The following TSPEAR variants were observed in gnomAD, a reference collection of about 807,000 sequenced individuals.
TSPEAR encodes the protein thrombospondin type laminin G domain and EAR repeats.
In TSPEAR, 69 loss-of-function variants were observed where a neutral mutation model predicts 71.6. The observed-to-expected ratio is 0.96, with a 90% CI of 0.79 to 1.18. The LOEUF is 1.18. TSPEAR is among the 50% of genes most tolerant of loss of function. The probability of loss-of-function intolerance (pLI) is 0.00; values close to 1 mark genes in which losing one functional copy is unlikely to be tolerated. For missense variants in TSPEAR, 971 were observed against 894.9 expected (o/e 1.09, Z -1.09); for synonymous variants, 402 against 387.2 (o/e 1.04, Z -0.45).
In TSPEAR at chr21:44,592,433, G is replaced by A. The variant is rs1555927013; in HGVS notation, c.83-24428C>T. On this transcript the variant is annotated intron_variant, in intron 1 of 11. Transcript: ENST00000323084. ...TCACAGGAACCAGGAAGGCAGACGC[G>A]GCTGCCGTAGCTCAGGTCGCTGGAG... is the stretch of plus-strand genomic sequence containing the variant. 10 of 1,610,208 alleles carry A rather than the reference G, an allele frequency of 6.2e-6. No individual in the cohort carries two copies. In the East Asian group the frequency reaches 1.1e-4, roughly 18 times the overall value.
intron 1 of TSPEAR, among the ~76,000 whole-genome samples, chr21:44,668,300 A>G (rs1303564420): frequency 6.6e-6 from 1 of 152,254 alleles, no homozygotes; most frequent in African/African-American, 2.4e-5. Context: ...AATTCCATTT[A>G]CAATACATTA....
chr21:44,512,269 G>A (rs1249755370), intron 9 of TSPEAR, among the ~76,000 whole-genome samples: 1 of 144,900 alleles, frequency 6.9e-6, no homozygotes, highest in African/African-American at 2.5e-5. Flanking sequence ...GAGGTCAGAT[G>A]TATGTGGACG....
At chr21:44,652,571 C>A (rs1429106550) in intron 1 of TSPEAR, among the ~76,000 whole-genome samples, 1 of 152,064 alleles carries the variant, frequency 6.6e-6, no homozygotes, top group Non-Finnish European at 1.5e-5. Context: ...TTATGTCTTA[C>A]GAAGGGGGAA....
At chr21:44,528,011 G>A (rs2052891521) in intron 6 of TSPEAR, among the ~76,000 whole-genome samples, 1 of 152,156 alleles carries the variant, frequency 6.6e-6, no homozygotes, top group Non-Finnish European at 1.5e-5. Context: ...CAGGGAGGGT[G>A]TGGGCAGAGG....
chr21:44,639,848 C>G (rs1983923504), intron 1 of TSPEAR, among the ~76,000 whole-genome samples: 1 of 151,660 alleles, frequency 6.6e-6, no homozygotes. Context: ...AGGACCCAGC[C>G]TGTCTGGCCG....
intron 1 of TSPEAR, among the ~76,000 whole-genome samples, chr21:44,704,371 C>T (rs1199861655): frequency 6.6e-6 from 1 of 152,170 alleles, no homozygotes; most frequent in Non-Finnish European, 1.5e-5. Context: ...ACTTTACCCC[C>T]TCTGTGACAT....
chr21:44,707,329 C>G (rs1987982055), intron 1 of TSPEAR, among the ~76,000 whole-genome samples: 1 of 148,854 alleles, frequency 6.7e-6, no homozygotes, highest in African/African-American at 2.5e-5. Flanking sequence ...AGAGAGGACA[C>G]AGGGTCGGAA....
Position 44,586,796 on chromosome 21 carries a change from A to T in TSPEAR, c.83-18791T>A, listed in dbSNP as rs377658984. ...ATAAACAGAATTAAAAACAAAAATC[A>T]CATGATCAATAGATGCAGAAAAAGC... On this transcript the variant is annotated intron_variant, in intron 1 of 11. Transcript: ENST00000323084. Among the ~76,000 whole-genome samples the T allele has an allele frequency of 5.8e-4, 89 of 152,342 alleles. 1 individual carries two copies. The highest frequency in any genetic ancestry group is 3.4e-3 in the Middle Eastern group (1 of 294).
intron 1 of TSPEAR, among the ~76,000 whole-genome samples, chr21:44,688,965 C>T (rs1381874574): frequency 6.6e-6 from 1 of 152,114 alleles, no homozygotes; most frequent in Admixed American, 6.5e-5. Flanking sequence ...CGCTTTTACT[C>T]CAAAGTGAGG....
chr21:44,613,857 C>T (rs1190321273), intron 1 of TSPEAR, among the ~76,000 whole-genome samples: 3 of 152,054 alleles, frequency 2.0e-5, no homozygotes, highest in African/African-American at 7.2e-5. Flanking sequence ...TTTAGGTGCG[C>T]GACTTATGAT....
chr21:44,568,899 C>T (rs920875759), intron 1 of TSPEAR, among the ~76,000 whole-genome samples: 5 of 152,164 alleles, frequency 3.3e-5, no homozygotes, highest in African/African-American at 7.2e-5. Context: ...ACTCTGGCAC[C>T]CTCTAGGGTT....
rs139387695 is a variant in TSPEAR, at chr21:44,612,751, C to T, written c.83-44746G>A. 2.7e-4 allele frequency: 428 copies of T among 1,613,856 alleles called. 2 individuals are homozygous for T. The highest frequency in any genetic ancestry group is 2.1e-3 in the Admixed American group (124 of 60,022). ...TGTCCCTCCTCTGCCGCCCTGTGTG[C>T]CGGCCTGCCTGCTGTGTGCCTGTCC... is the stretch of plus-strand genomic sequence containing the variant. On this transcript the variant is annotated intron_variant, in intron 1 of 11. Coordinates refer to ENST00000323084, the MANE Select transcript of TSPEAR (RefSeq NM_144991.3). This position sits in a 1 kb window ranked among gnomAD's most constrained non-coding sequence, Gnocchi z 4.1.
At chr21:44,688,050 T>C (rs920577960) in intron 1 of TSPEAR, among the ~76,000 whole-genome samples, 1 of 152,174 alleles carries the variant, frequency 6.6e-6, no homozygotes, top group Non-Finnish European at 1.5e-5. Context: ...CTTTTCTGTA[T>C]GTTTCCGTTT....
chr21:44,533,746 C>G lies in TSPEAR; in HGVS notation c.481G>C (p.Val161Leu). 6.2e-7 allele frequency: 1 copy of G among 1,612,410 alleles called. No individual in the cohort carries two copies. ...ALVDGRWHTL[V>L]LAVSAGVFSL... is the part of the protein sequence containing the mutation. ...AAGACGCCTGCGGACACAGCCAGGA[C>G]CAGTGTGTGCCAGCGGCCATCCACC... is the stretch of plus-strand genomic sequence containing the variant. Residue 161 changes from valine (V) to leucine (L), a missense_variant, in exon 3 of 12, where the codon GTC becomes CTC. Transcript: ENST00000323084.
intron 1 of TSPEAR, among the ~76,000 whole-genome samples, chr21:44,647,931 A>G (rs587726042): frequency 6.6e-6 from 1 of 152,314 alleles, no homozygotes; most frequent in Admixed American, 6.5e-5. Context: ...CCACCCGCCC[A>G]TGCCTGTCCC....
intron 1 of TSPEAR, chr21:44,681,699 A>C (rs1555947982): frequency 8.2e-7 from 1 of 1,217,244 alleles, no homozygotes; most frequent in Admixed American, 2.4e-5. Flanking sequence ...TATATTCTCG[A>C]TCCAGAATTC....
intron 1 of TSPEAR, among the ~76,000 whole-genome samples, chr21:44,581,201 C>G (rs921786358): frequency 6.6e-6 from 1 of 152,120 alleles, no homozygotes; most frequent in African/African-American, 2.4e-5. Flanking sequence ...ACCCTCAGAG[C>G]CCTCTCTCTG....
intron 9 of TSPEAR, among the ~76,000 whole-genome samples, chr21:44,521,497 C>G (rs2052732235): frequency 6.6e-6 from 1 of 152,222 alleles, no homozygotes; most frequent in South Asian, 2.1e-4. Flanking sequence ...GCCCCAGGGC[C>G]AGGGCCCTGA....
At chr21:44,605,822 G>A (rs78776607) in intron 1 of TSPEAR, among the ~76,000 whole-genome samples, 14,824 of 152,060 alleles carry the variant, frequency 0.097, 1,268 homozygotes, top group African/African-American at 0.23. Context: ...GGAAGACCTC[G>A]GCATAAGACC....
Sources: gnomAD v4.1 joint callset for allele counts (sites outside exome capture counted in the v4.1 genomes callset) on GRCh38, gnomAD v4.1.1 for gene constraint, Gnocchi (gnomAD v3.1) non-coding constraint, MANE v1.5 for transcripts, NCBI Gene and HGNC (gene_info 2026-07-23, HGNC 2026-07-21) for gene names.